SH3PXD2B: variants seen among roughly 807,000 people sequenced by gnomAD.
SH3PXD2B encodes the protein SH3 and PX domains 2B.
SH3PXD2B carries 37 observed loss-of-function variants against 73.1 expected under a neutral mutation model. The ratio of observed to expected loss-of-function variants is 0.51; its 90% CI spans 0.39 to 0.67. The LOEUF is 0.67. Among genes scored for constraint, SH3PXD2B ranks in the 30% least tolerant of loss-of-function variants. The probability of loss-of-function intolerance (pLI) is 0.00; values close to 1 mark genes in which losing one functional copy is unlikely to be tolerated. For missense variants in SH3PXD2B, 1,053 were observed against 1,197.8 expected, an observed-to-expected ratio of 0.88 and a Z score of 1.78; for synonymous variants, 457 against 480.5, an observed-to-expected ratio of 0.95 and a Z score of 0.64.
rs1756789807 is a variant in SH3PXD2B, at chr5:172,339,369, T to C, written c.1736A>G (p.Glu579Gly). 2 of 1,614,224 alleles carry C rather than the reference T, an allele frequency of 1.2e-6. No individual in the cohort carries two copies. Among genetic ancestry groups the C allele is most frequent in the Non-Finnish European group, 8.5e-7 (1 of 1,180,040 alleles). Residue 579 changes from glutamate to glycine, a missense_variant, in exon 13 of 13, where the codon GAG becomes GGG. Transcript: ENST00000311601. The surrounding 1 kb of genome is among the most constrained non-coding windows in gnomAD (Gnocchi z 6.1). The stretch of plus-strand genomic sequence containing the variant: ...CAGTCTGCTTTTGTCAGGTTTGGGC[T>C]CTGGCCTCCTGCTGTCCCGGGCTGG... ...IPPARDSRRP[E>G]PKPDKSRLFQ...
At chr5:172,385,669 G>A (rs1561916659) in intron 4 of SH3PXD2B, among the ~76,000 whole-genome samples, 1 of 152,226 alleles carries the variant, frequency 6.6e-6, no homozygotes, top group Non-Finnish European at 1.5e-5. Flanking sequence ...CTCCCAGGAT[G>A]GGCAGAGGCC....
At chr5:172,438,438 T>C (rs1581340390) in intron 1 of SH3PXD2B, among the ~76,000 whole-genome samples, 1 of 152,124 alleles carries the variant, frequency 6.6e-6, no homozygotes, top group South Asian at 2.1e-4. Flanking sequence ...CAATGAGCTC[T>C]CAGGAAATGC....
chr5:172,454,133 G>C (rs1478658126), intron 1 of SH3PXD2B, 145 bp downstream of exon 1: 2 of 534,226 alleles, frequency 3.7e-6, no homozygotes, highest in Non-Finnish European at 6.2e-6. Flanking sequence ...GGAGGGACCC[G>C]GGCAGCGCCG....
chr5:172,381,884 A>G (rs1295212814), intron 5 of SH3PXD2B, 152 bp downstream of exon 5: 1 of 613,886 alleles, frequency 1.6e-6, no homozygotes, highest in African/African-American at 1.9e-5. Flanking sequence ...ACCCACTTAC[A>G]GCAACTCTGA....
chr5:172,340,993 T>A (rs1756837709), intron 12 of SH3PXD2B, among the ~76,000 whole-genome samples: 1 of 152,172 alleles, frequency 6.6e-6, no homozygotes, highest in Non-Finnish European at 1.5e-5. Context: ...TAGAGTAGAT[T>A]TTCATCGTGT....
intron 9 of SH3PXD2B, among the ~76,000 whole-genome samples, chr5:172,352,095 C>T (rs1410316361): frequency 1.3e-5 from 2 of 152,136 alleles, no homozygotes; most frequent in East Asian, 1.9e-4. Context: ...ACTATAACCT[C>T]GGGAGAGACC....
At chr5:172,347,840 G>T (rs1438786849) in intron 10 of SH3PXD2B, among the ~76,000 whole-genome samples, 1 of 152,200 alleles carries the variant, frequency 6.6e-6, no homozygotes, top group African/African-American at 2.4e-5. Flanking sequence ...ACCTGGTTTT[G>T]TGCTCTAGAA....
intron 4 of SH3PXD2B, among the ~76,000 whole-genome samples, chr5:172,387,827 C>G (rs1758091918): frequency 6.6e-6 from 1 of 152,126 alleles, no homozygotes; most frequent in Non-Finnish European, 1.5e-5. Flanking sequence ...TCTTTTTGTG[C>G]TTGGTATCCT....
At chr5:172,342,481 C>G (rs1052595369) in intron 12 of SH3PXD2B, among the ~76,000 whole-genome samples, 2 of 152,182 alleles carry the variant, frequency 1.3e-5, no homozygotes, top group Non-Finnish European at 1.5e-5. Context: ...AAACCCCTGG[C>G]CGGGCGCGGT....
In SH3PXD2B at chr5:172,360,946, G is replaced by A. The variant is rs576609170; in HGVS notation, c.562+1789C>T. ...TGCACACAGACATGTTCACACTGGA[G>A]TACGAATATGAATATATGAACATGG... is the stretch of plus-strand genomic sequence containing the variant. On this transcript the variant is annotated intron_variant, in intron 7 of 12. Coordinates refer to ENST00000311601, the MANE Select transcript of SH3PXD2B (RefSeq NM_001017995.3). Among the ~76,000 whole-genome samples the A allele has an allele frequency of 4.6e-5, 7 of 152,332 alleles. No individual in the cohort carries two copies. In the South Asian group the frequency reaches 1.5e-3, roughly 32 times the overall value.
At chr5:172,431,489 C>T (rs1426581946) in intron 1 of SH3PXD2B, among the ~76,000 whole-genome samples, 2 of 152,250 alleles carry the variant, frequency 1.3e-5, no homozygotes, top group Non-Finnish European at 2.9e-5. Context: ...GGGCCTGGGC[C>T]TTTCAGCTAA....
At chr5:172,431,033 A>G (rs1425858828) in intron 1 of SH3PXD2B, among the ~76,000 whole-genome samples, 1 of 151,876 alleles carries the variant, frequency 6.6e-6, no homozygotes, top group Non-Finnish European at 1.5e-5. Flanking sequence ...CTCCTGGCTA[A>G]TTTTTGTATT....
At chr5:172,395,847 G>A (rs78596156) in intron 3 of SH3PXD2B, among the ~76,000 whole-genome samples, 2,291 of 152,194 alleles carry the variant, frequency 0.015, 55 homozygotes, top group African/African-American at 0.052. Flanking sequence ...AGGGGAAGGT[G>A]TGGGAGGACC....
intron 1 of SH3PXD2B, among the ~76,000 whole-genome samples, chr5:172,434,114 A>G (rs1759314701): frequency 7.2e-5 from 11 of 152,220 alleles, no homozygotes; most frequent in Admixed American, 7.2e-4. Context: ...TGGCTAGAAG[A>G]GAGGACTTGA....
At chr5:172,387,481 G>C (rs1018569896) in intron 4 of SH3PXD2B, among the ~76,000 whole-genome samples, 14 of 152,190 alleles carry the variant, frequency 9.2e-5, no homozygotes, top group African/African-American at 3.4e-4. Flanking sequence ...AACAGAACCT[G>C]GTGAGCCCAG....
At chr5:172,358,296 G>A (rs139330994) in intron 8 of SH3PXD2B, among the ~76,000 whole-genome samples, 477 of 152,346 alleles carry the variant, frequency 3.1e-3, no homozygotes, top group African/African-American at 0.01. Flanking sequence ...GCATAGGGAA[G>A]GTTCTCTGGG....
intron 3 of SH3PXD2B, among the ~76,000 whole-genome samples, chr5:172,396,714 A>G (rs1758309481): frequency 6.6e-6 from 1 of 151,726 alleles, no homozygotes; most frequent in South Asian, 2.1e-4. Context: ...TGGGAAGTCA[A>G]GGCAGGTGGA....
At chr5:172,382,556 A>AACACACACACACACACAC (rs3057156) in intron 4 of SH3PXD2B, among the ~76,000 whole-genome samples, 1 of 149,460 alleles carries the variant, frequency 6.7e-6, no homozygotes, top group Admixed American at 6.7e-5. Flanking sequence ...TTTGGAGAAC[A>AACACACACACACACACAC]ACACACACAC....
Position 172,338,035 on chromosome 5 carries a change from C to T in SH3PXD2B, c.*334G>A. The T allele has an allele frequency of 8.0e-7, 1 of 1,245,372 alleles. No homozygotes were observed. Among genetic ancestry groups the T allele is most frequent in the Non-Finnish European group, 1.0e-6 (1 of 984,614 alleles). The allele number at this position is 1,245,372 out of a possible 1,614,324, so 77.1% of individuals were successfully genotyped here. On this transcript the variant is annotated 3_prime_UTR_variant, in exon 13 of 13. Transcript: ENST00000311601. This position sits in a 1 kb window ranked among gnomAD's most constrained non-coding sequence, Gnocchi z 5.1. ...CTGGAGTTTCTCCAGGCAATGGGAT[C>T]CAGTCCTGGAGGTCTTGGAGAGTCT... is the stretch of plus-strand genomic sequence containing the variant.
Sources: gnomAD v4.1 joint callset for allele counts (sites outside exome capture counted in the v4.1 genomes callset) on GRCh38, gnomAD v4.1.1 for gene constraint, Gnocchi (gnomAD v3.1) non-coding constraint, MANE v1.5 for transcripts, NCBI Gene and HGNC (gene_info 2026-07-23, HGNC 2026-07-21) for gene names.